Variants in CARNMT1 observed in about 807,000 individuals in gnomAD.
CARNMT1 encodes the protein protein-L-histidine N-pros-methyltransferase CARNMT1.
In CARNMT1, 28 loss-of-function variants were observed where a neutral mutation model predicts 49.6. That is an observed-to-expected ratio of 0.56 (90% CI 0.42 to 0.77). The LOEUF (loss-of-function observed/expected upper bound fraction) is 0.77. CARNMT1 is among the 30% of genes least tolerant of loss of function. The probability of loss-of-function intolerance (pLI) is 0.00; values close to 1 mark genes in which losing one functional copy is unlikely to be tolerated. For missense variants in CARNMT1, 421 were observed against 512.6 expected, an observed-to-expected ratio of 0.82 and a Z score of 1.73; for synonymous variants, 178 against 175.0, an observed-to-expected ratio of 1.02 and a Z score of -0.13.
chr9:74,997,151 C>G (rs1833211546), intron 5 of CARNMT1, among the ~76,000 whole-genome samples: 1 of 152,174 alleles, frequency 6.6e-6, no homozygotes, highest in African/African-American at 2.4e-5. Context: ...AATAAAGGCA[C>G]TTGATCCCAT....
In CARNMT1 at chr9:75,017,266, T is replaced by C. The variant is rs745311426; in HGVS notation, c.413A>G (p.Glu138Gly). The change falls in exon 2 of 8, where the codon GAA becomes GGA. Residue 138 changes from glutamate (E) to glycine (G), a missense_variant. Transcript: ENST00000376834. Reference sequence around the variant, plus strand: ...ACTTTCACATACATCTTCTCCATATTCTTTATTTTCAAACATATGTATGCA... The same window carrying C: ...ACTTTCACATACATCTTCTCCATATCCTTTATTTTCAAACATATGTATGCA... ...NDCIHMFENKEYGEDGNGKIM... is the reference protein window; with the variant it reads ...NDCIHMFENKGYGEDGNGKIM... 2.5e-6 allele frequency: 4 copies of C among 1,611,514 alleles called. No individual in the cohort carries two copies.
chr9:75,018,723 T>C (rs1477584075), intron 1 of CARNMT1, among the ~76,000 whole-genome samples: 1 of 152,124 alleles, frequency 6.6e-6, no homozygotes, highest in Non-Finnish European at 1.5e-5. Context: ...CCCTTGGCAC[T>C]TTGGGAGGCC....
At chr9:74,994,045 C>T (rs1436421146) in intron 6 of CARNMT1, among the ~76,000 whole-genome samples, 2 of 152,094 alleles carry the variant, frequency 1.3e-5, no homozygotes, top group Non-Finnish European at 2.9e-5. Context: ...TAAATGAGGT[C>T]GTAAGGGTGG....
In CARNMT1 at chr9:75,022,213, CTTTTTTTTTTTT is replaced by C. The variant is rs35783706; in HGVS notation, c.231-4777_231-4766del. On this transcript the variant is annotated intron_variant, in intron 1 of 7. Transcript: ENST00000376834. ...CAGAATTACCAGGTGAGAAGGAATA[CTTTTTTTTTTTT>C]TTTTTTTTTTTTTTTGGAGATGGAG... Among the ~76,000 whole-genome samples, 145 of 77,008 alleles carry C rather than the reference CTTTTTTTTTTTT, an allele frequency of 1.9e-3. 2 individuals are homozygous for C. Among genetic ancestry groups the C allele is most frequent in the Non-Finnish European group, 2.2e-3 (88 of 39,466 alleles). The allele number at this position is 77,008 out of a possible 152,430, so 50.5% of individuals were successfully genotyped here. A position where few individuals can be genotyped will look rare whatever the true frequency, so the allele number is the denominator to read the frequency against.
intron 1 of CARNMT1, among the ~76,000 whole-genome samples, chr9:75,026,670 T>C (rs563822405): frequency 1.3e-5 from 2 of 152,356 alleles, no homozygotes; most frequent in African/African-American, 4.8e-5. Context: ...CTGGGTTTAA[T>C]CAGTAAATTA....
rs532770021 is a variant in CARNMT1, at chr9:75,020,414, C to G, written c.231-2966G>C. On this transcript the variant is annotated intron_variant, in intron 1 of 7. Transcript: ENST00000376834. ...TCCCGAGTAGCTGGGACTACAGGTG[C>G]GCGCCACCATGCCCAGCTGATTTTT... Among the ~76,000 whole-genome samples the G allele has an allele frequency of 2.8e-4, 43 of 151,694 alleles. 1 individual carries two copies. The highest frequency in any genetic ancestry group is 1.2e-3 in the Admixed American group (18 of 15,246).
At chr9:75,026,845 T>G (rs1822542957) in intron 1 of CARNMT1, among the ~76,000 whole-genome samples, 1 of 152,238 alleles carries the variant, frequency 6.6e-6, no homozygotes, top group Admixed American at 6.5e-5. Flanking sequence ...ATGTATTTCT[T>G]TGCTACTATT....
intron 1 of CARNMT1, among the ~76,000 whole-genome samples, chr9:75,020,077 G>A (rs1217996069): frequency 6.6e-6 from 1 of 152,088 alleles, no homozygotes; most frequent in African/African-American, 2.4e-5. Context: ...AAAAATTCAG[G>A]TTAATGATTC....
At chr9:75,003,095 C>T (rs967775443) in intron 3 of CARNMT1, among the ~76,000 whole-genome samples, 2 of 152,130 alleles carry the variant, frequency 1.3e-5, no homozygotes, top group African/African-American at 4.8e-5. Flanking sequence ...TTTAGCATCT[C>T]CTAACTTACC....
chr9:75,003,160 G>A (rs1275008128), intron 3 of CARNMT1, among the ~76,000 whole-genome samples: 1 of 152,066 alleles, frequency 6.6e-6, no homozygotes, highest in Non-Finnish European at 1.5e-5. Context: ...ACTTCTCACT[G>A]ATCCCAGAAG....
intron 6 of CARNMT1, among the ~76,000 whole-genome samples, chr9:74,990,201 A>C (rs1832970886): frequency 6.6e-6 from 1 of 152,234 alleles, no homozygotes; most frequent in Non-Finnish European, 1.5e-5. Flanking sequence ...AAGAAGCCTA[A>C]CAAACTGTGC....
At chr9:75,028,398 G>C, upstream of CARNMT1, 1 of 1,292,588 alleles carries the variant, frequency 7.7e-7, no homozygotes, top group Non-Finnish European at 9.7e-7. Context: ...CATCCGCGCT[G>C]GGCTCCGCCA....
intron 4 of CARNMT1, among the ~76,000 whole-genome samples, chr9:74,999,252 T>C (rs1833287626): frequency 6.6e-6 from 1 of 152,172 alleles, no homozygotes; most frequent in African/African-American, 2.4e-5. Flanking sequence ...ACAATTGTTT[T>C]CCACTGCCTT....
At chr9:75,021,354 CCA>C (rs1406541207) in intron 1 of CARNMT1, among the ~76,000 whole-genome samples, 3 of 144,424 alleles carry the variant, frequency 2.1e-5, no homozygotes, top group Non-Finnish European at 4.5e-5. Flanking sequence ...ACTATACATA[CCA>C]TATATATTAT....
intron 2 of CARNMT1, chr9:75,016,794 A>C (rs1017120686): frequency 3.8e-6 from 1 of 260,882 alleles, no homozygotes; most frequent in African/African-American, 2.2e-5. Flanking sequence ...GAGTGGCCCA[A>C]CTGTATCCAT....
rs985370012 is a variant in CARNMT1, at chr9:75,028,265, C to T, written c.-24G>A. 6 of 1,358,742 alleles carry T rather than the reference C, an allele frequency of 4.4e-6. No homozygotes were observed. In the African/African-American group the frequency reaches 9.3e-5, roughly 21 times the overall value. 84.2% of individuals were successfully genotyped at this position (1,358,742 alleles called of 1,614,324 possible). A position where few individuals can be genotyped will look rare whatever the true frequency, so the allele number is the denominator to read the frequency against. ...ATCGCCGCCGCGGCCCTCGGCCTGGCTCGCTTGCGTCTCTCCGCGACCGAC... is the reference window on the plus strand; with the variant it reads ...ATCGCCGCCGCGGCCCTCGGCCTGGTTCGCTTGCGTCTCTCCGCGACCGAC... On this transcript the variant is annotated 5_prime_UTR_variant, in exon 1 of 8. Transcript: ENST00000376834.
chr9:75,018,508 A>C (rs1833914705), intron 1 of CARNMT1, among the ~76,000 whole-genome samples: 1 of 152,230 alleles, frequency 6.6e-6, no homozygotes, highest in African/African-American at 2.4e-5. Flanking sequence ...TTACACACTA[A>C]TGGTAAGTGC....
At position 75,024,506 on chromosome 9, in the gene CARNMT1, C is replaced by G. The variant is rs146228932; in HGVS notation, c.230+3506G>C. Among the ~76,000 whole-genome samples the G allele has an allele frequency of 2.3e-3, 345 of 152,218 alleles. 4 individuals carry two copies. Among genetic ancestry groups the G allele is most frequent in the South Asian group, 7.5e-3 (36 of 4,822 alleles). On this transcript the variant is annotated intron_variant, in intron 1 of 7. Coordinates refer to ENST00000376834, the MANE Select transcript of CARNMT1 (RefSeq NM_152420.3). Reference sequence around the variant, plus strand: ...TTCAGCTTTTCAACTCTAGTGTTTTCTATGTGCTGAGGTGCTTCATTCGTA... The same window carrying G: ...TTCAGCTTTTCAACTCTAGTGTTTTGTATGTGCTGAGGTGCTTCATTCGTA...
At chr9:74,986,827 C>A (rs1832857392) in intron 6 of CARNMT1, among the ~76,000 whole-genome samples, 2 of 152,132 alleles carry the variant, frequency 1.3e-5, no homozygotes, top group Admixed American at 1.3e-4. Context: ...TTGCATTGCT[C>A]AGTGAAAATT....
Sources: gnomAD v4.1 joint callset for allele counts (sites outside exome capture counted in the v4.1 genomes callset) on GRCh38, gnomAD v4.1.1 for gene constraint, MANE v1.5 for transcripts, NCBI Gene and HGNC (gene_info 2026-07-23, HGNC 2026-07-21) for gene names.